Variants in CAMK4 observed in about 807,000 individuals in gnomAD.
The protein encoded by CAMK4 is calcium/calmodulin-dependent protein kinase type IV.
In CAMK4, 22 loss-of-function variants were observed where a neutral mutation model predicts 44.9. The ratio of observed to expected loss-of-function variants is 0.49; its 90% CI spans 0.35 to 0.70. The LOEUF (loss-of-function observed/expected upper bound fraction) is 0.70. Among genes scored for constraint, CAMK4 ranks in the 30% least tolerant of loss-of-function variants. The pLI, the probability that CAMK4 is intolerant of heterozygous loss-of-function variation, is 0.01. For missense variants in CAMK4, 498 were observed against 586.8 expected, an observed-to-expected ratio of 0.85 and a Z score of 1.56; for synonymous variants, 218 against 215.4, an observed-to-expected ratio of 1.01 and a Z score of -0.11.
In CAMK4 at chr5:111,487,221, A is replaced by G. The variant is rs1755661968; in HGVS notation, c.*2755A>G. The G allele has an allele frequency of 6.6e-6, 1 of 152,222 alleles. No individual in the cohort carries two copies. Among genetic ancestry groups the G allele is most frequent in the Non-Finnish European group, 1.5e-5 (1 of 68,028 alleles). The allele number at this position is 152,222 out of a possible 1,614,324, so 9.4% of individuals were successfully genotyped here. A position where few individuals can be genotyped will look rare whatever the true frequency, so the allele number is the denominator to read the frequency against. ...CACAAAGCAAAAGAATTCAAATTTC[A>G]GCAAACAATAAATTACATTTTACAT... On this transcript the variant is annotated 3_prime_UTR_variant, in exon 11 of 11. Transcript: ENST00000282356.
intron 1 of CAMK4, among the ~76,000 whole-genome samples, chr5:111,342,880 A>C (rs907566169): frequency 6.6e-6 from 1 of 151,516 alleles, no homozygotes; most frequent in Non-Finnish European, 1.5e-5. Context: ...GTATTTCCCA[A>C]TTTCTTCCTT....
At chr5:111,441,581 C>T (rs530797312) in intron 5 of CAMK4, among the ~76,000 whole-genome samples, 1 of 152,284 alleles carries the variant, frequency 6.6e-6, no homozygotes, top group African/African-American at 2.4e-5. Context: ...GTTAGACTGA[C>T]ATAGCAGATT....
intron 1 of CAMK4, among the ~76,000 whole-genome samples, chr5:111,277,315 G>A (rs1172670137): frequency 6.6e-6 from 1 of 152,042 alleles, no homozygotes; most frequent in African/African-American, 2.4e-5. Flanking sequence ...TGTAGCAGTT[G>A]GCTAAAAAAT....
intron 1 of CAMK4, among the ~76,000 whole-genome samples, chr5:111,269,133 T>C (rs572375784): frequency 6.6e-6 from 1 of 152,348 alleles, no homozygotes; most frequent in South Asian, 2.1e-4. Context: ...GCATGGAAAC[T>C]GTAAACATGC....
At chr5:111,429,523 T>C (rs542573182) in intron 5 of CAMK4, among the ~76,000 whole-genome samples, 2 of 152,124 alleles carry the variant, frequency 1.3e-5, no homozygotes, top group Admixed American at 1.3e-4. Flanking sequence ...TCCCAGTACT[T>C]TGAGAGGCCC....
chr5:111,232,173 G>A (rs1158661769), intron 1 of CAMK4, among the ~76,000 whole-genome samples: 2 of 152,130 alleles, frequency 1.3e-5, no homozygotes, highest in Non-Finnish European at 2.9e-5. Context: ...GGCCTAGAGT[G>A]TAAATGAGCA....
intron 7 of CAMK4, among the ~76,000 whole-genome samples, chr5:111,459,258 A>G (rs115221833): frequency 0.013 from 1,961 of 152,304 alleles, 38 homozygotes; most frequent in African/African-American, 0.045. Context: ...AAGCTCCACA[A>G]GGCAGAAGTA....
At chr5:111,431,540 C>T (rs931792484) in intron 5 of CAMK4, among the ~76,000 whole-genome samples, 5 of 151,804 alleles carry the variant, frequency 3.3e-5, no homozygotes, top group African/African-American at 4.8e-5. Flanking sequence ...AGCTTCTGCA[C>T]GGAAAAGGAT....
In CAMK4 at chr5:111,478,492, A is replaced by G; in HGVS notation, c.813A>G (p.Leu271=). The part of the protein sequence containing the change: ...FISPWWDEVS[L]NAKDLVRKLI... The stretch of plus-strand genomic sequence containing the variant: ...CCCCCTGGTGGGATGAAGTATCTCT[A>G]AATGCCAAGGACTTGGTAAGTGTAA... The change falls in exon 9 of 11, where the codon CTA becomes CTG. Residue 271 remains leucine, a synonymous_variant. Coordinates refer to ENST00000282356, the MANE Select transcript of CAMK4 (RefSeq NM_001744.6). 1.3e-6 allele frequency: 2 copies of G among 1,541,022 alleles called. No individual in the cohort carries two copies. Among genetic ancestry groups the G allele is most frequent in the Non-Finnish European group, 1.8e-6 (2 of 1,122,380 alleles).
At chr5:111,291,320 A>C (rs1469213054) in intron 1 of CAMK4, among the ~76,000 whole-genome samples, 1 of 152,150 alleles carries the variant, frequency 6.6e-6, no homozygotes, top group African/African-American at 2.4e-5. Context: ...GAAATGAAAA[A>C]ATAACAAAAA....
chr5:111,375,442 G>A (rs541556970), intron 3 of CAMK4, among the ~76,000 whole-genome samples: 44 of 152,220 alleles, frequency 2.9e-4, no homozygotes, highest in African/African-American at 6.7e-4. Context: ...AGTAAAAAGC[G>A]TTCTTGAACT....
At chr5:111,397,476 A>C in intron 5 of CAMK4, among the ~76,000 whole-genome samples, 1 of 152,100 alleles carries the variant, frequency 6.6e-6, no homozygotes, top group Admixed American at 6.6e-5. Flanking sequence ...GTAATATTAT[A>C]CTCATTGATC....
At chr5:111,303,497 A>C (rs1283375684) in intron 1 of CAMK4, among the ~76,000 whole-genome samples, 1 of 74,956 alleles carries the variant, frequency 1.3e-5, no homozygotes, top group Admixed American at 1.5e-4. Context: ...GGGTATCAGC[A>C]ATGGAAGATG....
intron 1 of CAMK4, among the ~76,000 whole-genome samples, chr5:111,246,298 G>T (rs905956308): frequency 6.6e-6 from 1 of 152,052 alleles, no homozygotes; most frequent in Non-Finnish European, 1.5e-5. Context: ...CCCAAGAAGG[G>T]CTTTCTGTAT....
chr5:111,476,844 C>G (rs767786315), intron 8 of CAMK4, among the ~76,000 whole-genome samples: 6 of 152,192 alleles, frequency 3.9e-5, no homozygotes, highest in Non-Finnish European at 7.3e-5. Flanking sequence ...TGCCCTAAGG[C>G]TTGAAGTTGT....
At position 111,391,582 on chromosome 5, in the gene CAMK4, T is replaced by G. The variant is rs566265252; in HGVS notation, c.387-3128T>G. Among the ~76,000 whole-genome samples, 6 of 151,166 alleles carry G rather than the reference T, an allele frequency of 4.0e-5. No individual in the cohort carries two copies. In the South Asian group the frequency reaches 1.2e-3, roughly 31 times the overall value. ...AAATAAGCTAAAATTAAGAAAACTG[T>G]AGGACAACAATATAAATCAAAGGTA... is the stretch of plus-strand genomic sequence containing the variant. On this transcript the variant is annotated intron_variant, in intron 4 of 10. Coordinates refer to ENST00000282356, the MANE Select transcript of CAMK4 (RefSeq NM_001744.6).
chr5:111,432,620 G>GTGTATATATATATATACATATATATA (rs1215759957), intron 5 of CAMK4, among the ~76,000 whole-genome samples: 2 of 145,372 alleles, frequency 1.4e-5, no homozygotes, highest in East Asian at 2.0e-4. Flanking sequence ...ATATATGTGT[G>GTGTATATATATATATACATATATATA]TGTATATATA....
chr5:111,246,504 C>G (rs1561359601), intron 1 of CAMK4, among the ~76,000 whole-genome samples: 1 of 152,192 alleles, frequency 6.6e-6, no homozygotes. Flanking sequence ...TGCAGTTCGA[C>G]TTGGTACAGA....
At chr5:111,257,917 G>A (rs375728368) in intron 1 of CAMK4, among the ~76,000 whole-genome samples, 3 of 152,102 alleles carry the variant, frequency 2.0e-5, no homozygotes, top group Admixed American at 6.5e-5. Flanking sequence ...AACACTGCAC[G>A]TTCTCACTCA....
Sources: gnomAD v4.1 joint callset for allele counts (sites outside exome capture counted in the v4.1 genomes callset) on GRCh38, gnomAD v4.1.1 for gene constraint, MANE v1.5 for transcripts, NCBI Gene and HGNC (gene_info 2026-07-23, HGNC 2026-07-21) for gene names.